The following DDX55 variants were observed in gnomAD, a reference collection of about 807,000 sequenced individuals.
DDX55 encodes the protein ATP-dependent RNA helicase DDX55.
In DDX55, 56 loss-of-function variants were observed where a neutral mutation model predicts 69.2. The observed-to-expected ratio is 0.81, with a 90% confidence interval of 0.65 to 1.01. The LOEUF is 1.01. DDX55 is among the 50% of genes least tolerant of loss of function. The pLI is 0.00. For missense variants in DDX55, 720 were observed against 745.1 expected (o/e 0.97, Z 0.39); for synonymous variants, 268 against 273.1 (o/e 0.98, Z 0.18).
At chr12:123,604,658 A>G (rs944606562) in intron 1 of DDX55, among the ~76,000 whole-genome samples, 5 of 152,194 alleles carry the variant, frequency 3.3e-5, no homozygotes, top group Non-Finnish European at 4.4e-5. Flanking sequence ...ATAACACACT[A>G]GATTTTGAAG....
intron 8 of DDX55, 56 bp from the exon 9 acceptor site, chr12:123,615,129 C>T (rs538166521): frequency 3.1e-5 from 49 of 1,606,274 alleles, no homozygotes; most frequent in African/African-American, 6.7e-5. Flanking sequence ...TCCCCTCTCC[C>T]GGTTGTAGAA....
At chr12:123,610,833 A>G (rs1307459757) in intron 7 of DDX55, among the ~76,000 whole-genome samples, 2 of 148,640 alleles carry the variant, frequency 1.3e-5, no homozygotes, top group African/African-American at 5.0e-5. Context: ...CTGGTGATCC[A>G]CCTGCCTCGG....
chr12:123,608,387 A>G (rs1954016742), intron 5 of DDX55: 1 of 286,838 alleles, frequency 3.5e-6, no homozygotes, highest in Non-Finnish European at 6.7e-6. Context: ...ATGTGAATAA[A>G]TGGGCGTGGT....
At chr12:123,610,923 C>T (rs1383766396) in intron 7 of DDX55, among the ~76,000 whole-genome samples, 1 of 142,568 alleles carries the variant, frequency 7.0e-6, no homozygotes, top group Non-Finnish European at 1.5e-5. Context: ...TGTTTTGAGA[C>T]GGGGTCTCAC....
rs5801520 is a variant in DDX55 at position 123,612,823 on chromosome 12, GAA to G, written c.742-336_742-335del. 5.1e-5 allele frequency among the ~76,000 whole-genome samples: 7 copies of G among 136,184 alleles called. No homozygotes were observed. In the South Asian group the frequency reaches 9.5e-4, roughly 18 times the overall value. 89.3% of individuals were successfully genotyped at this position (136,184 alleles called of 152,430 possible). ...GCAACATATTGAGAGTCTGTCTCTT[GAA>G]AAAAAAAAAAGAAGAAAAAAAAAGG... On this transcript the variant is annotated intron_variant, in intron 7 of 13. Coordinates refer to ENST00000238146, the MANE Select transcript of DDX55 (RefSeq NM_020936.3).
chr12:123,607,088 T>G (rs554218457), intron 3 of DDX55, among the ~76,000 whole-genome samples: 43 of 152,336 alleles, frequency 2.8e-4, no homozygotes, highest in African/African-American at 9.4e-4. Flanking sequence ...TAGAGTCTTT[T>G]AAGCACAAAC....
intron 11 of DDX55, 125 bp from the exon 12 acceptor site, chr12:123,618,544 G>T (rs776504110): frequency 1.2e-5 from 19 of 1,539,724 alleles, no homozygotes; most frequent in Non-Finnish European, 1.7e-5. Flanking sequence ...GGTTGGAGTT[G>T]GGCTTCAGAC....
intron 7 of DDX55, among the ~76,000 whole-genome samples, chr12:123,611,857 C>T (rs1033461532): frequency 6.6e-6 from 1 of 152,118 alleles, no homozygotes; most frequent in East Asian, 1.9e-4. Context: ...AGAGCATGGG[C>T]GCTAGAGCAG....
rs202238608 is a variant in DDX55, at chr12:123,619,596, G to C, written c.1498G>C (p.Glu500Gln). ...IREKQRQKLL[E>Q]QQRREKTENE... ...AGAAAAGCAGAGGCAGAAACTCCTG[G>C]AGCAACAAAGAAGAGAGAAAACAGA... The change falls in exon 13 of 14, where the codon GAG (glutamate) becomes CAG (glutamine). Residue 500 changes from glutamate (E) to glutamine (Q), a missense_variant. Coordinates refer to ENST00000238146, the MANE Select transcript of DDX55 (RefSeq NM_020936.3). 8.5e-5 allele frequency: 137 copies of C among 1,613,536 alleles called. No homozygotes were observed. Among genetic ancestry groups the C allele is most frequent in the Admixed American group, 2.2e-4 (13 of 59,942 alleles).
chr12:123,605,878 A>G (rs1011297801), intron 1 of DDX55, 53 bp from the exon 2 acceptor site: 2 of 1,613,252 alleles, frequency 1.2e-6, no homozygotes, highest in Non-Finnish European at 1.7e-6. Context: ...TTCGGGTCTC[A>G]CCTGTGAATT....
intron 5 of DDX55, 112 bp from the exon 6 acceptor site, chr12:123,608,568 T>G: frequency 7.6e-7 from 1 of 1,322,920 alleles, no homozygotes; most frequent in Non-Finnish European, 1.1e-6. Flanking sequence ...CTTCGTTCTC[T>G]TCACTAGGGC....
In DDX55 at chr12:123,619,401, T is replaced by C. The variant is rs760928938; in HGVS notation, c.1334-31T>C. 1.1e-5 allele frequency: 18 copies of C among 1,587,142 alleles called. No individual in the cohort carries two copies. The East Asian group carries it at 1.3e-4, about 12-fold the overall frequency. On this transcript the variant is annotated intron_variant, in intron 12 of 13. Coordinates refer to ENST00000238146, the MANE Select transcript of DDX55 (RefSeq NM_020936.3). ...TACTGATTGTTCTAATCCTGTTGAGTGCGCTAACTCTGATCTTCTGATTGA... is the reference window on the plus strand; with the variant it reads ...TACTGATTGTTCTAATCCTGTTGAGCGCGCTAACTCTGATCTTCTGATTGA...
chr12:123,620,100 C>T lies in DDX55; in HGVS notation c.1763C>T (p.Thr588Ile). 6.2e-7 allele frequency: 1 copy of T among 1,614,094 alleles called. No individual in the cohort carries two copies. The change falls in exon 14 of 14, where the codon ACA (threonine) becomes ATA (isoleucine). Residue 588 changes from threonine (T) to isoleucine (I), a missense_variant. Physicochemically the swap from Thr to Ile is moderately conservative, Grantham distance 89. Transcript: ENST00000238146. ...ACAACTGGCAAAAGAACAATCAAGA[C>T]AGTGGATTTAGGGATCTCAGATTTG... ...LLTTGKRTIK[T>I]VDLGISDLED... is the part of the protein sequence containing the mutation.
At chr12:123,610,890 G>GTTTTTTTTTTTTTTT (rs759513993) in intron 7 of DDX55, among the ~76,000 whole-genome samples, 1 of 132,728 alleles carries the variant, frequency 7.5e-6, no homozygotes, top group African/African-American at 2.8e-5. Flanking sequence ...GCGCCCGGCC[G>GTTTTTTTTTTTTTTT]TTTTTTTTTG....
chr12:123,613,235 A>C lies in DDX55; in HGVS notation c.807A>C (p.Lys269Asn). 6.2e-7 allele frequency: 1 copy of C among 1,613,796 alleles called. No homozygotes were observed. Among genetic ancestry groups the C allele is most frequent in the Non-Finnish European group, 8.5e-7 (1 of 1,179,920 alleles). ...VHFLRNHKQE[K>N]HLVFFSTCAC... ...TTCTTCGCAATCATAAGCAGGAGAA[A>C]CACCTGGTCTTCTTCAGGTACTCCT... Residue 269 changes from lysine (K) to asparagine (N), a missense_variant, in exon 8 of 14, where the codon AAA becomes AAC. Coordinates refer to ENST00000238146, the MANE Select transcript of DDX55 (RefSeq NM_020936.3).
At chr12:123,615,503 T>A (rs990999378) in intron 9 of DDX55, among the ~76,000 whole-genome samples, 187 bp downstream of exon 9, 1 of 152,186 alleles carries the variant, frequency 6.6e-6, no homozygotes, top group East Asian at 1.9e-4. Flanking sequence ...CCTGTTCCAA[T>A]TGCTTTGCCT....
chr12:123,619,994 G>C lies in DDX55; in HGVS notation c.1657G>C (p.Glu553Gln). Residue 553 changes from glutamate to glutamine, a missense_variant, in exon 14 of 14, where the codon GAA (glutamate) becomes CAA (glutamine). Coordinates refer to ENST00000238146, the MANE Select transcript of DDX55 (RefSeq NM_020936.3). Reference protein sequence around the residue: ...GSDIEDEDMEELLNDTRLLKK... With the variant: ...GSDIEDEDMEQLLNDTRLLKK... Reference sequence around the variant, plus strand: ...TGATATTGAAGATGAGGACATGGAAGAACTTCTTAATGACACAAGACTCTT... The same window carrying C: ...TGATATTGAAGATGAGGACATGGAACAACTTCTTAATGACACAAGACTCTT... 6.2e-7 allele frequency: 1 copy of C among 1,613,874 alleles called. No individual in the cohort carries two copies. The highest frequency in any genetic ancestry group is 8.5e-7 in the Non-Finnish European group (1 of 1,179,906).
intron 7 of DDX55, among the ~76,000 whole-genome samples, chr12:123,610,605 C>CTTTTTTTTTTTTTT (rs35576014): frequency 2.2e-5 from 2 of 90,058 alleles, no homozygotes; most frequent in Non-Finnish European, 2.2e-5. Context: ...TGCTGAGTTT[C>CTTTTTTTTTTTTTT]TTTTTTTTTT....
chr12:123,610,059 A>C lies in DDX55; in HGVS notation c.672A>C (p.Ser224=). The C allele has an allele frequency of 6.2e-7, 1 of 1,614,190 alleles. No homozygotes were observed. The highest frequency in any genetic ancestry group is 8.5e-7 in the Non-Finnish European group (1 of 1,180,034). The change falls in exon 7 of 14, where the codon TCA becomes TCC. Residue 224 remains serine (S), a synonymous_variant. Coordinates refer to ENST00000238146, the MANE Select transcript of DDX55 (RefSeq NM_020936.3). ...RAGLRNPVRV[S]VKEKGVAASS... Reference sequence around the variant, plus strand: ...GCCTCCGGAACCCTGTCCGGGTCTCAGTGAAGGAGAAGGGCGTGGCAGCCA... The same window carrying C: ...GCCTCCGGAACCCTGTCCGGGTCTCCGTGAAGGAGAAGGGCGTGGCAGCCA...
Sources: gnomAD v4.1 joint callset for allele counts (sites outside exome capture counted in the v4.1 genomes callset) on GRCh38, gnomAD v4.1.1 for gene constraint, MANE v1.5 for transcripts, NCBI Gene and HGNC (gene_info 2026-07-23, HGNC 2026-07-21) for gene names.